The following NCCRP1 variants were observed in gnomAD, a reference collection of about 807,000 sequenced individuals.
The protein encoded by NCCRP1 is NCCRP1, F-box associated domain containing.
In NCCRP1, 32 loss-of-function variants were observed where a neutral mutation model predicts 34.4. The observed-to-expected ratio is 0.93, with a 90% CI of 0.70 to 1.25. NCCRP1 has a LOEUF of 1.25. Among genes scored for constraint, NCCRP1 ranks in the 50% most tolerant of loss-of-function variants. NCCRP1 has a pLI of 0.00. For synonymous variants in NCCRP1, 172 were observed against 180.1 expected (o/e 0.95, Z 0.36); for missense variants, 372 against 391.8 (o/e 0.95, Z 0.43).
Position 39,199,234 on chromosome 19 carries a change from G to A in NCCRP1, c.517G>A (p.Asp173Asn). ...AEGLWEELLDDEQPAITVMDW... is the reference protein window; with the variant it reads ...AEGLWEELLDNEQPAITVMDW... ...GGGCCTGTGGGAGGAGCTGCTGGAT[G>A]ACGAACAACCAGCCATTACGGTCAT... The change falls in exon 4 of 6, where the codon GAC (aspartate) becomes AAC (asparagine). Residue 173 changes from aspartate (D) to asparagine (N), a missense_variant. Coordinates refer to ENST00000339852, the MANE Select transcript of NCCRP1 (RefSeq NM_001001414.2). The A allele has an allele frequency of 6.2e-7, 1 of 1,614,032 alleles. No homozygotes were observed. Among genetic ancestry groups the A allele is most frequent in the Non-Finnish European group, 8.5e-7 (1 of 1,180,016 alleles).
Position 39,197,085 on chromosome 19 carries a change from C to A in NCCRP1, c.103C>A (p.Pro35Thr). 6.5e-7 allele frequency: 1 copy of A among 1,528,896 alleles called. No individual in the cohort carries two copies. The highest frequency in any genetic ancestry group is 2.5e-5 in the East Asian group (1 of 40,048). The allele number at this position is 1,528,896 out of a possible 1,614,324, so 94.7% of individuals were successfully genotyped here. A position where few individuals can be genotyped will look rare whatever the true frequency, so the allele number is the denominator to read the frequency against. Residue 35 changes from proline (P) to threonine (T), a missense_variant, in exon 1 of 6, where the codon CCG becomes ACG. Physicochemically the swap from Pro to Thr is conservative, Grantham distance 38. Coordinates refer to ENST00000339852, the MANE Select transcript of NCCRP1 (RefSeq NM_001001414.2). ...TCCCTCGCCACGGTCGCCTTCACCG[C>A]CGCCGTCGCCGCCACCACTGCCCTC... is the stretch of plus-strand genomic sequence containing the variant. ...LPPSPRSPSPPPSPPPLPSPP... is the reference protein window; with the variant it reads ...LPPSPRSPSPTPSPPPLPSPP...
Position 39,200,717 on chromosome 19 carries a change from G to A in NCCRP1, c.789G>A (p.Arg263=), listed in dbSNP as rs372470395. 2.2e-5 allele frequency: 36 copies of A among 1,613,462 alleles called. No homozygotes were observed. Among genetic ancestry groups the A allele is most frequent in the Non-Finnish European group, 2.7e-5 (32 of 1,180,036 alleles). Residue 263 remains arginine, a synonymous_variant, in exon 6 of 6, where the codon CGG becomes CGA. Transcript: ENST00000339852. This position sits in a 1 kb window ranked among gnomAD's most constrained non-coding sequence, Gnocchi z 5.8. The stretch of plus-strand genomic sequence containing the variant: ...AGCCTGGTGGGCTGCGGCGGACACG[G>A]GTGACCGACTCCTCCGTGTCTGTGC... The part of the protein sequence containing the change: ...RMEPGGLRRT[R]VTDSSVSVQL...
Position 39,197,110 on chromosome 19 carries a change from C to CG in NCCRP1, c.129dup (p.Pro44AlafsTer75). ...CCGCCGTCGCCGCCACCACTGCCCT[C>CG]GCCGCCGTCGCTGCCATCGCCCGCA... On this transcript the variant is annotated frameshift_variant, in exon 1 of 6. Transcript: ENST00000339852. LOFTEE classifies it high-confidence loss of function. The CG allele has an allele frequency of 6.6e-7, 1 of 1,521,216 alleles. No individual in the cohort carries two copies. The highest frequency in any genetic ancestry group is 1.2e-5 in the South Asian group (1 of 83,236). The allele number at this position is 1,521,216 out of a possible 1,614,324, so 94.2% of individuals were successfully genotyped here. A position where few individuals can be genotyped will look rare whatever the true frequency, so the allele number is the denominator to read the frequency against.
rs1227086619 is a variant in NCCRP1, at chr19:39,201,232, T to C, written c.*476T>C. The stretch of plus-strand genomic sequence containing the variant: ...CCCCGATCCTTGATCTTCCATTACC[T>C]TCACATCCCGGGGTCCTTCTGAACT... On this transcript the variant is annotated 3_prime_UTR_variant, in exon 6 of 6. Coordinates refer to ENST00000339852, the MANE Select transcript of NCCRP1 (RefSeq NM_001001414.2). 1.2e-5 allele frequency: 2 copies of C among 160,224 alleles called. No homozygotes were observed. The highest frequency in any genetic ancestry group is 2.7e-5 in the Non-Finnish European group (2 of 73,438). 9.9% of individuals were successfully genotyped at this position (160,224 alleles called of 1,614,324 possible).
At chr19:39,199,295 C>T in intron 4 of NCCRP1, 30 bp downstream of exon 4, 1 of 1,599,950 alleles carries the variant, frequency 6.3e-7, no homozygotes, top group East Asian at 2.2e-5. Context: ...CAGCCTGACC[C>T]CGTGATCGCG....
chr19:39,199,685 G>A (rs1272961999), intron 4 of NCCRP1, among the ~76,000 whole-genome samples: 1 of 151,298 alleles, frequency 6.6e-6, no homozygotes, highest in Non-Finnish European at 1.5e-5. Flanking sequence ...GCTAATTTCT[G>A]TATTTTTAGT....
chr19:39,197,439 C>T, intron 1 of NCCRP1, 120 bp downstream of exon 1: 1 of 864,222 alleles, frequency 1.2e-6, no homozygotes, highest in Non-Finnish European at 1.6e-6. Context: ...TCTCTGCATC[C>T]CTCTGTCTCT....
chr19:39,198,643 G>C lies in NCCRP1; in HGVS notation c.452+390G>C, dbSNP rs570894533. Among the ~76,000 whole-genome samples the C allele has an allele frequency of 2.6e-5, 4 of 152,244 alleles. No individual in the cohort carries two copies. The East Asian group carries it at 7.7e-4, about 29-fold the overall frequency. On this transcript the variant is annotated intron_variant, in intron 3 of 5. Transcript: ENST00000339852. Reference sequence around the variant, plus strand: ...CCCAGCTCATTTTGTATTTTTAGTAGAGACGGAGTTTCACCATGTTGGCCA... The same window carrying C: ...CCCAGCTCATTTTGTATTTTTAGTACAGACGGAGTTTCACCATGTTGGCCA...
rs1258632456 is a variant in NCCRP1, at chr19:39,200,764, G to T, written c.*8G>T. The T allele has an allele frequency of 1.2e-6, 2 of 1,608,006 alleles. No individual in the cohort carries two copies. Among genetic ancestry groups the T allele is most frequent in the Admixed American group, 1.7e-5 (1 of 59,902 alleles). On this transcript the variant is annotated 3_prime_UTR_variant, in exon 6 of 6. Transcript: ENST00000339852. This position sits in a 1 kb window ranked among gnomAD's most constrained non-coding sequence, Gnocchi z 5.8. Reference sequence around the variant, plus strand: ...GTGCAGCTCCGGGAGTGACTGGCTGGCTCCTCTGTCCTGACCCCACAGCAC... The same window carrying T: ...GTGCAGCTCCGGGAGTGACTGGCTGTCTCCTCTGTCCTGACCCCACAGCAC...
Position 39,200,739 on chromosome 19 carries a change from G to A in NCCRP1, c.811G>A (p.Val271Met). The A allele has an allele frequency of 6.2e-7, 1 of 1,612,094 alleles. No individual in the cohort carries two copies. The change falls in exon 6 of 6, where the codon GTG becomes ATG. Residue 271 changes from valine to methionine, a missense_variant. Transcript: ENST00000339852. The surrounding 1 kb of genome is among the most constrained non-coding windows in gnomAD (Gnocchi z 5.8). ...RTRVTDSSVS[V>M]QLRE ...ACGGGTGACCGACTCCTCCGTGTCT[G>A]TGCAGCTCCGGGAGTGACTGGCTGG...
Position 39,197,274 on chromosome 19 carries a change from C to T in NCCRP1, c.292C>T (p.Arg98Trp). Residue 98 changes from arginine (R) to tryptophan (W), a missense_variant, in exon 1 of 6, where the codon CGG (arginine) becomes TGG (tryptophan). Physicochemically the swap from Arg to Trp is moderately radical, Grantham distance 101. Transcript: ENST00000339852. ...CCTCACCTGGAAGCTGCTCCTGTTG[C>T]GGCGGCCGCTCTACCGCAACCTGCT... ...QRLTWKLLLL[R>W]RPLYRNLLRS... is the part of the protein sequence containing the mutation. 6.7e-7 allele frequency: 1 copy of T among 1,492,526 alleles called. No individual in the cohort carries two copies. Among genetic ancestry groups the T allele is most frequent in the Non-Finnish European group, 8.8e-7 (1 of 1,131,570 alleles). 92.5% of individuals were successfully genotyped at this position (1,492,526 alleles called of 1,614,324 possible).
chr19:39,201,787 A>G lies in NCCRP1; in HGVS notation c.*1031A>G, dbSNP rs895955724. 1 of 152,232 alleles carries G rather than the reference A, an allele frequency of 6.6e-6. No homozygotes were observed. Among genetic ancestry groups the G allele is most frequent in the African/African-American group, 2.4e-5 (1 of 41,440 alleles). 9.4% of individuals were successfully genotyped at this position (152,232 alleles called of 1,614,324 possible). A position where few individuals can be genotyped will look rare whatever the true frequency, so the allele number is the denominator to read the frequency against. Reference sequence around the variant, plus strand: ...AAGTCCCTCATTCATGAGGGTGGTGAGGACACAGACTGCGACCAGAACAGA... The same window carrying G: ...AAGTCCCTCATTCATGAGGGTGGTGGGGACACAGACTGCGACCAGAACAGA... On this transcript the variant is annotated 3_prime_UTR_variant, in exon 6 of 6. Transcript: ENST00000339852.
intron 1 of NCCRP1, 42 bp downstream of exon 1, chr19:39,197,361 C>G (rs1246558638): frequency 5.1e-6 from 7 of 1,367,236 alleles, no homozygotes; most frequent in South Asian, 1.6e-5. Context: ...CCACCCTGAC[C>G]GTCTGTCTCT....
Position 39,196,987 on chromosome 19 carries a change from A to G in NCCRP1, c.5A>G (p.Glu2Gly). ...ACAGTCGCGCAGCCTCGAGGGATGGAGGAGGTGCGTGAGGGACACGCGCTC... is the reference window on the plus strand; with the variant it reads ...ACAGTCGCGCAGCCTCGAGGGATGGGGGAGGTGCGTGAGGGACACGCGCTC... M[E>G]EVREGHALGG... The change falls in exon 1 of 6, where the codon GAG becomes GGG. Residue 2 changes from glutamate to glycine, a missense_variant. Glu to Gly is a moderately conservative substitution (Grantham distance 98). Coordinates refer to ENST00000339852, the MANE Select transcript of NCCRP1 (RefSeq NM_001001414.2). 1 of 1,535,344 alleles carries G rather than the reference A, an allele frequency of 6.5e-7. No homozygotes were observed. Among genetic ancestry groups the G allele is most frequent in the African/African-American group, 1.4e-5 (1 of 72,514 alleles).
chr19:39,198,282 A>G, intron 3 of NCCRP1, 29 bp downstream of exon 3: 2 of 1,611,544 alleles, frequency 1.2e-6, no homozygotes, highest in Admixed American at 1.7e-5. Flanking sequence ...TGTGGCTTAC[A>G]CTCCATTCCC....
intron 1 of NCCRP1, 151 bp from the exon 2 acceptor site, chr19:39,197,902 G>A: frequency 3.7e-6 from 3 of 810,112 alleles, no homozygotes; most frequent in African/African-American, 1.7e-5. Context: ...CCTCTCCCCA[G>A]CCCAGAGCCC....
At chr19:39,199,313 G>A in intron 4 of NCCRP1, 48 bp downstream of exon 4, 1 of 1,548,166 alleles carries the variant, frequency 6.5e-7, no homozygotes. Flanking sequence ...GCGCAGGGCT[G>A]CCCAGAGCAT....
intron 2 of NCCRP1, 29 bp downstream of exon 2, chr19:39,198,144 G>A (rs765386645): frequency 3.7e-6 from 6 of 1,614,200 alleles, no homozygotes; most frequent in Non-Finnish European, 5.1e-6. Flanking sequence ...AGGTTGCTGA[G>A]GGTGGGGAGG....
rs753216812 is a variant in NCCRP1, at chr19:39,198,210, C to T, written c.409C>T (p.Arg137Cys). Residue 137 changes from arginine to cysteine, a missense_variant, in exon 3 of 6, where the codon CGT becomes TGT. Arg to Cys is a radical substitution (Grantham distance 180). Transcript: ENST00000339852. ...TGCTCCCCAACCTGCAGGCAATTTC[C>T]GTGGCTGGTACATTAGAACTGAAAA... ...QRPLETLGNF[R>C]GWYIRTEKLQ... 29 of 1,614,044 alleles carry T rather than the reference C, an allele frequency of 1.8e-5. No individual in the cohort carries two copies. The highest frequency in any genetic ancestry group is 1.1e-4 in the South Asian group (10 of 91,086).
Sources: gnomAD v4.1 joint callset for allele counts (sites outside exome capture counted in the v4.1 genomes callset) on GRCh38, gnomAD v4.1.1 for gene constraint, Gnocchi (gnomAD v3.1) non-coding constraint, MANE v1.5 for transcripts, NCBI Gene and HGNC (gene_info 2026-07-23, HGNC 2026-07-21) for gene names.